The following DPP10 variants were observed in gnomAD, a reference collection of about 807,000 sequenced individuals.
DPP10 encodes the protein dipeptidyl peptidase like 10.
In DPP10, 33 loss-of-function variants were observed where a neutral mutation model predicts 120.9. That is an observed-to-expected ratio of 0.27 (90% CI 0.21 to 0.37). DPP10 has a LOEUF of 0.37. Among genes scored for constraint, DPP10 ranks in the 10% least tolerant of loss-of-function variants. The probability of loss-of-function intolerance (pLI) is 1.00; values close to 1 mark genes in which losing one functional copy is unlikely to be tolerated. For synonymous variants in DPP10, 337 were observed against 326.1 expected, an observed-to-expected ratio of 1.03 and a Z score of -0.36; for missense variants, 816 against 942.8, an observed-to-expected ratio of 0.87 and a Z score of 1.76.
intron 1 of DPP10, among the ~76,000 whole-genome samples, chr2:114,964,263 CTTACA>C (rs1698847091): frequency 6.6e-6 from 1 of 152,018 alleles, no homozygotes; most frequent in South Asian, 2.1e-4. Flanking sequence ...TTCTTCTTTT[CTTACA>C]TTCAACAAAT....
chr2:115,027,471 A>G (rs1703546405), intron 1 of DPP10, among the ~76,000 whole-genome samples: 1 of 152,058 alleles, frequency 6.6e-6, no homozygotes. Context: ...CACTTGACTT[A>G]TTTCACCTGG....
At chr2:114,673,008 C>T (rs1698444656) in intron 1 of DPP10, among the ~76,000 whole-genome samples, 1 of 152,146 alleles carries the variant, frequency 6.6e-6, no homozygotes, top group Non-Finnish European at 1.5e-5. Flanking sequence ...TATTAACCTG[C>T]TGTTCAGTGA....
intron 5 of DPP10, among the ~76,000 whole-genome samples, chr2:115,578,298 T>C (rs1329364395): frequency 1.3e-5 from 2 of 152,138 alleles, no homozygotes; most frequent in Non-Finnish European, 2.9e-5. Flanking sequence ...ACAAAATACA[T>C]ATGAAAAATA....
chr2:114,917,328 A>G (rs946031549), intron 1 of DPP10, among the ~76,000 whole-genome samples: 1 of 152,164 alleles, frequency 6.6e-6, no homozygotes, highest in African/African-American at 2.4e-5. Context: ...GACGACATAA[A>G]CAAATGGAAA....
At chr2:114,815,357 G>A (rs568959090) in intron 1 of DPP10, among the ~76,000 whole-genome samples, 1 of 152,236 alleles carries the variant, frequency 6.6e-6, no homozygotes, top group East Asian at 1.9e-4. Context: ...ACTAGGAAAG[G>A]TAGGAAGTGG....
At chr2:115,245,917 G>A (rs1272142727) in intron 1 of DPP10, among the ~76,000 whole-genome samples, 1 of 151,982 alleles carries the variant, frequency 6.6e-6, no homozygotes, top group African/African-American at 2.4e-5. Flanking sequence ...TATTTCAGAC[G>A]CAGCTTGTAC....
rs567537065 is a variant in DPP10, at chr2:114,618,764, T to C, written c.60+175926T>C. On this transcript the variant is annotated intron_variant, in intron 1 of 25. Coordinates refer to ENST00000410059, the MANE Select transcript of DPP10 (RefSeq NM_020868.6). ...TTTGTTTTCTTGGAAGGGCATTAGG[T>C]AAATTTAGCATCAGATGTCATCAGT... 2.6e-5 allele frequency among the ~76,000 whole-genome samples: 4 copies of C among 152,154 alleles called. No individual in the cohort carries two copies. The East Asian group carries it at 7.7e-4, about 29-fold the overall frequency.
At chr2:115,311,678 A>T (rs2061584620) in intron 2 of DPP10, among the ~76,000 whole-genome samples, 1 of 152,210 alleles carries the variant, frequency 6.6e-6, no homozygotes, top group African/African-American at 2.4e-5. Flanking sequence ...CATTTAGAAA[A>T]TACACATATT....
chr2:115,375,538 A>G (rs950656245), intron 3 of DPP10, among the ~76,000 whole-genome samples: 11 of 152,186 alleles, frequency 7.2e-5, no homozygotes, highest in African/African-American at 2.4e-4. Context: ...TCCCAGTTCC[A>G]AAGTCACTTC....
chr2:115,724,939 C>T (rs2092730155), intron 7 of DPP10, among the ~76,000 whole-genome samples: 1 of 152,080 alleles, frequency 6.6e-6, no homozygotes, highest in African/African-American at 2.4e-5. Flanking sequence ...CTCACACGAA[C>T]CCACTCATAT....
At chr2:115,055,689 C>A (rs1317405276) in intron 1 of DPP10, among the ~76,000 whole-genome samples, 1 of 152,128 alleles carries the variant, frequency 6.6e-6, no homozygotes, top group African/African-American at 2.4e-5. Context: ...CTCATTGCAA[C>A]ACTGGTAGAA....
intron 13 of DPP10, among the ~76,000 whole-genome samples, chr2:115,773,630 C>T (rs949860594): frequency 6.6e-6 from 1 of 152,036 alleles, no homozygotes; most frequent in African/African-American, 2.4e-5. Flanking sequence ...TATGGATTCA[C>T]AGAAACAAAG....
intron 3 of DPP10, among the ~76,000 whole-genome samples, chr2:115,470,311 T>A (rs557952179): frequency 6.6e-6 from 1 of 152,250 alleles, no homozygotes; most frequent in Non-Finnish European, 1.5e-5. Flanking sequence ...GTTACAAAAA[T>A]TTTAGAGGAC....
intron 3 of DPP10, among the ~76,000 whole-genome samples, chr2:115,377,129 T>C (rs1461434912): frequency 6.6e-6 from 1 of 152,194 alleles, no homozygotes; most frequent in East Asian, 1.9e-4. Flanking sequence ...GTCGCCACAC[T>C]GACTTCCACA....
At chr2:114,815,156 C>T (rs1685520743) in intron 1 of DPP10, among the ~76,000 whole-genome samples, 2 of 152,298 alleles carry the variant, frequency 1.3e-5, no homozygotes, top group East Asian at 1.9e-4. Flanking sequence ...TAAAGAGAAG[C>T]GAGTCTCATG....
chr2:115,083,547 T>C (rs1258530032), intron 1 of DPP10, among the ~76,000 whole-genome samples: 3 of 152,230 alleles, frequency 2.0e-5, no homozygotes, highest in Non-Finnish European at 2.9e-5. Flanking sequence ...TCTCTCGCAC[T>C]GCTCTAGTTT....
chr2:115,571,865 G>GTA (rs1558867052), intron 5 of DPP10, among the ~76,000 whole-genome samples: 6 of 151,838 alleles, frequency 4.0e-5, no homozygotes, highest in African/African-American at 1.5e-4. Flanking sequence ...GTGTGTGTGT[G>GTA]TGTTTTATGA....
intron 1 of DPP10, among the ~76,000 whole-genome samples, chr2:115,100,376 G>C (rs1422311548): frequency 3.3e-5 from 5 of 152,222 alleles, no homozygotes; most frequent in Non-Finnish European, 7.4e-5. Context: ...TTGAACCCAG[G>C]AGTTTGAGGC....
intron 5 of DPP10, among the ~76,000 whole-genome samples, chr2:115,645,282 C>A (rs937980632): frequency 2.0e-5 from 3 of 152,138 alleles, no homozygotes; most frequent in Non-Finnish European, 4.4e-5. Flanking sequence ...CAGTTACCAA[C>A]ATTGAATATT....
Sources: allele counts gnomAD v4.1 joint callset (sites outside exome capture counted in the v4.1 genomes callset), GRCh38; gene constraint gnomAD v4.1.1; transcripts MANE v1.5; gene names NCBI Gene and HGNC (gene_info 2026-07-23, HGNC 2026-07-21).